GPD2: variants seen among roughly 807,000 people sequenced by gnomAD.
GPD2 encodes the protein glycerol-3-phosphate dehydrogenase, mitochondrial.
In GPD2, 54 loss-of-function variants were observed where a neutral mutation model predicts 82.4. That is an observed-to-expected ratio of 0.66 (90% CI 0.53 to 0.82). The LOEUF is 0.82. Ranked by LOEUF, GPD2 falls within the 40% of genes least tolerant of loss-of-function variation. The pLI is 0.00. For synonymous variants in GPD2, 288 were observed against 306.1 expected, an observed-to-expected ratio of 0.94 and a Z score of 0.62; for missense variants, 748 against 896.2, an observed-to-expected ratio of 0.83 and a Z score of 2.11.
At chr2:156,518,097 AAGGGG>A (rs1227796716) in intron 6 of GPD2, among the ~76,000 whole-genome samples, 1 of 152,224 alleles carries the variant, frequency 6.6e-6, no homozygotes, top group Non-Finnish European at 1.5e-5. Flanking sequence ...CCATATTTCA[AAGGGG>A]GAATTAAAGC....
chr2:156,561,914 C>T (rs1394963089), intron 9 of GPD2, among the ~76,000 whole-genome samples: 3 of 152,148 alleles, frequency 2.0e-5, no homozygotes, highest in Non-Finnish European at 4.4e-5. Context: ...GGAATAAGAC[C>T]ATGTCTTCTT....
Position 156,579,018 on chromosome 2 carries a change from T to C in GPD2, c.1880+17T>C. ...CATTGACAGGTACTTATAATAAGTG[T>C]CTATCTATCTCTCTTTTTTTTTGGC... On this transcript the variant is annotated intron_variant, in intron 14 of 16. Coordinates refer to ENST00000438166, the MANE Select transcript of GPD2 (RefSeq NM_000408.5). The C allele has an allele frequency of 6.5e-7, 1 of 1,547,684 alleles. No individual in the cohort carries two copies. Among genetic ancestry groups the C allele is most frequent in the East Asian group, 2.3e-5 (1 of 44,406 alleles).
the GPD2 span, among the ~76,000 whole-genome samples, chr2:156,422,189 C>T: frequency 1.2e-4 from 18 of 152,150 alleles, no homozygotes; most frequent in African/African-American, 4.3e-4. Context: ...ATCAATTTGA[C>T]AAGTTGTCTT....
chr2:156,550,513 G>A lies in GPD2; in HGVS notation c.827-89G>A, dbSNP rs1312567952. 3 of 1,327,224 alleles carry A rather than the reference G, an allele frequency of 2.3e-6. No individual in the cohort carries two copies. In the East Asian group the frequency reaches 6.9e-5, roughly 31 times the overall value. 82.2% of individuals were successfully genotyped at this position (1,327,224 alleles called of 1,614,324 possible). A position where few individuals can be genotyped will look rare whatever the true frequency, so the allele number is the denominator to read the frequency against. On this transcript the variant is annotated intron_variant, in intron 7 of 16. Transcript: ENST00000438166. ...GTGGTATGCAGTATACTTCACCATG[G>A]GTTAAGTTAATAGATGAATTAGTAA...
chr2:156,488,422 T>C (rs1684026005), intron 2 of GPD2, among the ~76,000 whole-genome samples: 1 of 152,316 alleles, frequency 6.6e-6, no homozygotes, highest in African/African-American at 2.4e-5. Context: ...TCATATATTA[T>C]GGGAGAGAGT....
intron 3 of GPD2, among the ~76,000 whole-genome samples, chr2:156,502,170 A>ATG (rs1684609131): frequency 6.6e-6 from 1 of 152,020 alleles, no homozygotes; most frequent in Admixed American, 6.6e-5. Flanking sequence ...ATCATATTCC[A>ATG]TGTGAATCAA....
chr2:156,443,617 C>T (rs1323526746), intron 1 of GPD2, among the ~76,000 whole-genome samples: 1 of 152,054 alleles, frequency 6.6e-6, no homozygotes, highest in Non-Finnish European at 1.5e-5. Flanking sequence ...TTTTTTCCCT[C>T]CCAAGGTGCT....
chr2:156,425,607 A>G, the GPD2 span, among the ~76,000 whole-genome samples: 9 of 152,218 alleles, frequency 5.9e-5, no homozygotes, highest in South Asian at 4.1e-4. Context: ...GTGATGGTGC[A>G]GACTTTATAT....
chr2:156,571,081 T>C (rs1469652), intron 12 of GPD2, 53 bp from the exon 13 acceptor site: 1,153,234 of 1,157,636 alleles, frequency 1, 574,555 homozygotes, highest in East Asian at 1. Flanking sequence ...GCTTTATTTC[T>C]CATTTTCTAA....
the GPD2 span, among the ~76,000 whole-genome samples, chr2:156,410,289 G>A: frequency 6.6e-6 from 1 of 152,224 alleles, no homozygotes; most frequent in Middle Eastern, 3.4e-3. Flanking sequence ...AAGGTTTGTA[G>A]TTCTATTTTC....
intron 1 of GPD2, among the ~76,000 whole-genome samples, chr2:156,451,365 G>A (rs977714683): frequency 1.3e-5 from 2 of 149,536 alleles, no homozygotes; most frequent in Non-Finnish European, 3.0e-5. Context: ...CAGTAGGGGC[G>A]GCTGGGCAGA....
intron 1 of GPD2, among the ~76,000 whole-genome samples, chr2:156,444,849 C>T (rs1682305252): frequency 6.6e-6 from 1 of 152,204 alleles, no homozygotes; most frequent in South Asian, 2.1e-4. Context: ...ACTCCTACGT[C>T]ACGCGATTCT....
chr2:156,508,046 A>C (rs1684849221), intron 3 of GPD2, among the ~76,000 whole-genome samples: 1 of 152,154 alleles, frequency 6.6e-6, no homozygotes, highest in Non-Finnish European at 1.5e-5. Flanking sequence ...ATCTTCACAC[A>C]GGGAATTGTG....
chr2:156,486,986 T>C (rs776635610), intron 2 of GPD2, among the ~76,000 whole-genome samples: 22 of 152,144 alleles, frequency 1.4e-4, no homozygotes, highest in Non-Finnish European at 3.1e-4. Context: ...CTGGATCTAC[T>C]TCCAGATGCT....
chr2:156,551,672 G>A (rs1201293472), intron 8 of GPD2, among the ~76,000 whole-genome samples: 2 of 151,940 alleles, frequency 1.3e-5, no homozygotes, highest in African/African-American at 4.8e-5. Context: ...AATAAATTAT[G>A]GCATAACCAC....
intron 2 of GPD2, among the ~76,000 whole-genome samples, chr2:156,480,931 T>C (rs1156984390): frequency 1.3e-5 from 2 of 151,358 alleles, no homozygotes; most frequent in Non-Finnish European, 2.9e-5. Flanking sequence ...AGCACCCTGA[T>C]TCTAAGAAGA....
At chr2:156,415,156 CTTT>C in the GPD2 span, among the ~76,000 whole-genome samples, 2 of 114,616 alleles carry the variant, frequency 1.7e-5, no homozygotes, top group Non-Finnish European at 1.8e-5. Flanking sequence ...TTGTATCATT[CTTT>C]TTTTTTTTTT....
intron 1 of GPD2, among the ~76,000 whole-genome samples, chr2:156,464,408 T>C (rs374126611): frequency 6.6e-6 from 1 of 152,168 alleles, no homozygotes; most frequent in Non-Finnish European, 1.5e-5. Flanking sequence ...CCATTTATAC[T>C]TGTGGATTAT....
intron 6 of GPD2, among the ~76,000 whole-genome samples, chr2:156,519,985 A>C (rs1685339839): frequency 6.6e-6 from 1 of 152,234 alleles, no homozygotes; most frequent in Non-Finnish European, 1.5e-5. Context: ...TCTGGGAAGA[A>C]TCAGGTCATA....
Sources: gnomAD v4.1 joint callset for allele counts (sites outside exome capture counted in the v4.1 genomes callset) on GRCh38, gnomAD v4.1.1 for gene constraint, MANE v1.5 for transcripts, NCBI Gene and HGNC (gene_info 2026-07-23, HGNC 2026-07-21) for gene names.